Variants in MACF1 observed in about 807,000 individuals in gnomAD.
MACF1 encodes microtubule-actin cross-linking factor 1.
MACF1 carries 193 observed loss-of-function variants against 854.8 expected under a neutral mutation model. The ratio of observed to expected loss-of-function variants is 0.23; its 90% CI spans 0.20 to 0.25. The LOEUF (loss-of-function observed/expected upper bound fraction) is 0.25, where lower values mean the gene tolerates loss of function less well. Among genes scored for constraint, MACF1 ranks in the 10% least tolerant of loss-of-function variants. The probability of loss-of-function intolerance (pLI) is 1.00; values close to 1 mark genes in which losing one functional copy is unlikely to be tolerated. For missense variants in MACF1, 7,722 were observed against 8,929.1 expected, an observed-to-expected ratio of 0.86 and a Z score of 5.45; for synonymous variants, 3,185 against 3,226.7, an observed-to-expected ratio of 0.99 and a Z score of 0.44.
At chr1:39,390,890 G>A (rs1200211541) in intron 58 of MACF1, among the ~76,000 whole-genome samples, 5 of 152,076 alleles carry the variant, frequency 3.3e-5, no homozygotes, top group African/African-American at 7.2e-5. Flanking sequence ...GGTGGATCAC[G>A]AGGTCAGGAG....
chr1:39,089,369 A>G (rs937966506), intron 2 of MACF1, among the ~76,000 whole-genome samples: 38 of 152,222 alleles, frequency 2.5e-4, no homozygotes, highest in African/African-American at 9.6e-5. Context: ...GAAAGCATCT[A>G]TGGGATTCAT....
intron 38 of MACF1, among the ~76,000 whole-genome samples, chr1:39,338,886 T>C (rs967161267): frequency 5.3e-5 from 8 of 151,900 alleles, no homozygotes; most frequent in Non-Finnish European, 8.8e-5. Flanking sequence ...TTTTAGGGCA[T>C]TACACTCCAC....
At chr1:39,107,870 A>T (rs941372890) in intron 2 of MACF1, among the ~76,000 whole-genome samples, 3 of 152,174 alleles carry the variant, frequency 2.0e-5, no homozygotes, top group African/African-American at 7.2e-5. Context: ...TACAGGCTGA[A>T]GCAGGATTTT....
At chr1:39,207,718 G>T (rs1312443984) in intron 1 of MACF1, among the ~76,000 whole-genome samples, 2 of 152,128 alleles carry the variant, frequency 1.3e-5, no homozygotes. Context: ...GTTATTATTT[G>T]TTTCTATTTA....
At position 39,480,953 on chromosome 1, in the gene MACF1, C is replaced by A; in HGVS notation, c.22204C>A (p.Pro7402Thr). ...SLQFSRCYDK[P>T]WLVNSKAGTP... ...TCAGTTCTCTCGCTGTTATGACAAACCCTGGTTGGTAAACAGTAAAGCTGG... is the reference window on the plus strand; with the variant it reads ...TCAGTTCTCTCGCTGTTATGACAAAACCTGGTTGGTAAACAGTAAAGCTGG... Residue 7402 changes from proline (P) to threonine (T), a missense_variant, in exon 99 of 101, where the codon CCC becomes ACC. Pro to Thr is a conservative substitution (Grantham distance 38). Transcript: ENST00000564288. 1.3e-6 allele frequency: 2 copies of A among 1,550,916 alleles called. No homozygotes were observed. The highest frequency in any genetic ancestry group is 2.0e-5 in the Admixed American group (1 of 50,998).
intron 68 of MACF1, 101 bp downstream of exon 68, chr1:39,433,256 ACTTTT>A: frequency 1.6e-6 from 1 of 635,488 alleles, no homozygotes. Flanking sequence ...TCCCTCCTGG[ACTTTT>A]CTTATGATTG....
At chr1:39,187,358 A>G (rs2148241927) in intron 2 of MACF1, among the ~76,000 whole-genome samples, 1 of 152,274 alleles carries the variant, frequency 6.6e-6, no homozygotes, top group African/African-American at 2.4e-5. Flanking sequence ...CTTTTAGTTC[A>G]ATAGTCTATT....
intron 2 of MACF1, among the ~76,000 whole-genome samples, chr1:39,184,349 A>T (rs1557503937): frequency 6.6e-6 from 1 of 152,140 alleles, no homozygotes; most frequent in Non-Finnish European, 1.5e-5. Flanking sequence ...ACATGGTCAT[A>T]CTGGCTGGTT....
Position 39,358,685 on chromosome 1 carries a change from T to C in MACF1, c.11944-12T>C. 1.2e-5 allele frequency: 20 copies of C among 1,611,704 alleles called. No individual in the cohort carries two copies. The highest frequency in any genetic ancestry group is 1.7e-5 in the Non-Finnish European group (20 of 1,179,396). ...TTGCTTAAGTCTGCTTACCTTTCTTTCTCTGGCACAGTGTACACGATTAGG... is the reference window on the plus strand; with the variant it reads ...TTGCTTAAGTCTGCTTACCTTTCTTCCTCTGGCACAGTGTACACGATTAGG... On this transcript the variant is annotated splice_polypyrimidine_tract_variant and intron_variant, in intron 45 of 100. Transcript: ENST00000564288.
chr1:39,120,543 T>C (rs1387587207), intron 2 of MACF1, among the ~76,000 whole-genome samples: 1 of 152,094 alleles, frequency 6.6e-6, no homozygotes, highest in African/African-American at 2.4e-5. Context: ...TTGTGTATTT[T>C]AGTAGACACA....
intron 26 of MACF1, 22 bp from the exon 27 acceptor site, chr1:39,315,491 A>C (rs1044146436): frequency 6.2e-6 from 10 of 1,612,236 alleles, no homozygotes; most frequent in Non-Finnish European, 8.5e-6. Context: ...CTCCCTCTTT[A>C]TGTGTGTCTT....
intron 100 of MACF1, 83 bp from the exon 101 acceptor site, chr1:39,485,455 G>A (rs1474731673): frequency 1.4e-6 from 2 of 1,431,418 alleles, no homozygotes; most frequent in Admixed American, 4.5e-5. Flanking sequence ...GATCACACAG[G>A]ATCAGAACCC....
At chr1:39,475,177 T>A (rs543076426) in intron 97 of MACF1, among the ~76,000 whole-genome samples, 2 of 152,158 alleles carry the variant, frequency 1.3e-5, no homozygotes, top group Non-Finnish European at 2.9e-5. Flanking sequence ...CAGGGAAATA[T>A]AGAGGACCAA....
Position 39,447,604 on chromosome 1 carries a change from G to T in MACF1, c.19761+17G>T. On this transcript the variant is annotated intron_variant, in intron 81 of 100. Coordinates refer to ENST00000564288, the MANE Select transcript of MACF1 (RefSeq NM_001394062.1). ...GAGCACAAGGTAAGTATGATATTATGATGCTGCATTCTTTTTGAAAGCACT... is the reference window on the plus strand; with the variant it reads ...GAGCACAAGGTAAGTATGATATTATTATGCTGCATTCTTTTTGAAAGCACT... 6.2e-7 allele frequency: 1 copy of T among 1,613,848 alleles called. No homozygotes were observed. The highest frequency in any genetic ancestry group is 1.3e-5 in the African/African-American group (1 of 75,016).
chr1:39,483,272 C>T (rs773722202), intron 99 of MACF1, among the ~76,000 whole-genome samples: 37 of 152,078 alleles, frequency 2.4e-4, no homozygotes, highest in Non-Finnish European at 4.4e-4. Flanking sequence ...ATCATTTATT[C>T]ATGCAAGTTT....
chr1:39,338,174 C>T (rs1384721463), intron 38 of MACF1, among the ~76,000 whole-genome samples: 2 of 151,984 alleles, frequency 1.3e-5, no homozygotes, highest in Non-Finnish European at 2.9e-5. Context: ...ATGTTGGAGG[C>T]TTAAAACAGT....
rs1557604799 is a variant in MACF1 at position 39,353,157 on chromosome 1, T to C, written c.11350T>C (p.Leu3784=). 6.2e-7 allele frequency: 1 copy of C among 1,614,042 alleles called. No homozygotes were observed. The highest frequency in any genetic ancestry group is 8.5e-7 in the Non-Finnish European group (1 of 1,179,940). Residue 3784 remains leucine, a synonymous_variant, in exon 44 of 101, where the codon TTG becomes CTG. Transcript: ENST00000564288. The part of the protein sequence containing the change: ...LSGASLEKGA[L]DTTDGYMGVN... ...GGGAGCTAGCTTGGAGAAAGGAGCC[T>C]TGGACACCACTGATGGTTACATGGG...
rs979482337 is a variant in MACF1 at position 39,099,400 on chromosome 1, G to A, written c.220+14962G>A. ...TCGAACTCCTGACCTCAGGTGATCTGCCCGCCCTGGCCTCCCAAAGTGCTG... is the reference window on the plus strand; with the variant it reads ...TCGAACTCCTGACCTCAGGTGATCTACCCGCCCTGGCCTCCCAAAGTGCTG... On this transcript the variant is annotated intron_variant, in intron 2 of 93. Transcript: ENST00000361689. Among the ~76,000 whole-genome samples, 5 of 152,254 alleles carry A rather than the reference G, an allele frequency of 3.3e-5. No homozygotes were observed. In the East Asian group the frequency reaches 7.7e-4, roughly 23 times the overall value.
intron 2 of MACF1, among the ~76,000 whole-genome samples, chr1:39,090,847 A>G (rs1228022141): frequency 6.6e-6 from 1 of 152,192 alleles, no homozygotes; most frequent in Non-Finnish European, 1.5e-5. Context: ...CCTTGAGGAA[A>G]GGTCTGTGAA....
Sources: gnomAD v4.1 joint callset for allele counts (sites outside exome capture counted in the v4.1 genomes callset) on GRCh38, gnomAD v4.1.1 for gene constraint, MANE v1.5 for transcripts, NCBI Gene and HGNC (gene_info 2026-07-23, HGNC 2026-07-21) for gene names.